The following CASP2 variants were observed in gnomAD, a reference collection of about 807,000 sequenced individuals.
The protein encoded by CASP2 is caspase 2, also known as caspase-2.
CASP2 carries 38 observed loss-of-function variants against 54.4 expected under a neutral mutation model. The observed-to-expected ratio is 0.70, with a 90% CI of 0.54 to 0.92. The LOEUF (loss-of-function observed/expected upper bound fraction) is 0.92. CASP2 is among the 40% of genes least tolerant of loss of function. CASP2 has a pLI of 0.00. For synonymous variants in CASP2, 215 were observed against 216.3 expected, an observed-to-expected ratio of 0.99 and a Z score of 0.05; for missense variants, 512 against 579.6, an observed-to-expected ratio of 0.88 and a Z score of 1.20.
intron 1 of CASP2, 112 bp downstream of exon 1, chr7:143,288,641 T>A (rs1211649536): frequency 3.9e-5 from 40 of 1,014,918 alleles, no homozygotes; most frequent in Non-Finnish European, 5.8e-5. Flanking sequence ...AAAGCAGCCG[T>A]GTCCGCGCTT....
intron 1 of CASP2, among the ~76,000 whole-genome samples, chr7:143,289,105 C>G (rs949592654): frequency 6.6e-6 from 1 of 152,130 alleles, no homozygotes; most frequent in Non-Finnish European, 1.5e-5. Context: ...CCGGTCATTC[C>G]ATTTCATGGC....
chr7:143,300,741 T>C (rs1036329366), intron 8 of CASP2: 2 of 1,190,048 alleles, frequency 1.7e-6, no homozygotes, highest in African/African-American at 3.2e-5. Context: ...TACCTACACT[T>C]CCATGCTTGC....
Position 143,300,296 on chromosome 7 carries a change from TGAG to T in CASP2, c.967+3_967+5del, listed in dbSNP as rs1347131178. The T allele has an allele frequency of 6.2e-7, 1 of 1,613,694 alleles. No individual in the cohort carries two copies. The highest frequency in any genetic ancestry group is 1.1e-5 in the South Asian group (1 of 91,088). ...TCTTCATCCAGGCCTGCCGTGGAGG[TGAG>T]TGCCCTAGCAGACCAGCACCTGGGT... On this transcript the variant is annotated splice_donor_5th_base_variant and intron_variant, in intron 8 of 10. Coordinates refer to ENST00000310447, the MANE Select transcript of CASP2 (RefSeq NM_032982.4).
At chr7:143,298,723 A>C (rs545684293) in intron 6 of CASP2, 67 of 152,250 alleles carry the variant, frequency 4.4e-4, no homozygotes, top group African/African-American at 1.6e-3. Flanking sequence ...GAAATGGAGC[A>C]GGTGAAAACT....
chr7:143,304,656 A>C lies in CASP2; in HGVS notation c.1118-18A>C. The C allele has an allele frequency of 6.3e-7, 1 of 1,592,876 alleles. No individual in the cohort carries two copies. On this transcript the variant is annotated intron_variant, in intron 9 of 10. Coordinates refer to ENST00000310447, the MANE Select transcript of CASP2 (RefSeq NM_032982.4). ...TGTGATGGCATTCACACTGTGATTA[A>C]TGCCCTTTTGGTTGCAGGGACTGCC... is the stretch of plus-strand genomic sequence containing the variant.
At chr7:143,295,905 T>G (rs990998244) in intron 6 of CASP2, among the ~76,000 whole-genome samples, 5 of 152,212 alleles carry the variant, frequency 3.3e-5, no homozygotes, top group Non-Finnish European at 7.3e-5. Flanking sequence ...TCCTGAGAAG[T>G]CTGCTGGGCA....
At chr7:143,297,357 CT>C (rs1013846084) in intron 6 of CASP2, among the ~76,000 whole-genome samples, 8 of 148,566 alleles carry the variant, frequency 5.4e-5, no homozygotes, top group Non-Finnish European at 1.1e-4. Context: ...TGCGTGTATT[CT>C]TTTTTTGGAC....
intron 6 of CASP2, among the ~76,000 whole-genome samples, chr7:143,295,022 G>A (rs570061217): frequency 5.0e-4 from 76 of 151,228 alleles, no homozygotes; most frequent in Non-Finnish European, 1.9e-4. Flanking sequence ...CACAGTTGGT[G>A]TCTCACTTTT....
At chr7:143,302,683 G>T (rs1801949279) in intron 8 of CASP2, 4 of 152,104 alleles carry the variant, frequency 2.6e-5, no homozygotes. Flanking sequence ...CCTCGACATT[G>T]CATGGATCAG....
chr7:143,288,364 G>T lies in CASP2; in HGVS notation c.-92G>T. On this transcript the variant is annotated 5_prime_UTR_variant, in exon 1 of 11. Transcript: ENST00000310447. Reference sequence around the variant, plus strand: ...GCAGGCGCAGGCGCAGTGTGCGTCCGCGTCTGAGGGGAGGGATGTGGGGGA... The same window carrying T: ...GCAGGCGCAGGCGCAGTGTGCGTCCTCGTCTGAGGGGAGGGATGTGGGGGA... The T allele has an allele frequency of 7.7e-7, 1 of 1,303,234 alleles. No homozygotes were observed. The allele number at this position is 1,303,234 out of a possible 1,614,324, so 80.7% of individuals were successfully genotyped here.
chr7:143,293,514 T>G (rs1052430976), intron 4 of CASP2, among the ~76,000 whole-genome samples: 4 of 150,518 alleles, frequency 2.7e-5, no homozygotes. Flanking sequence ...GGTTTTTTGT[T>G]TTTTTTTTTT....
intron 6 of CASP2, among the ~76,000 whole-genome samples, chr7:143,296,732 C>T (rs76421595): frequency 7.6e-5 from 10 of 131,304 alleles, no homozygotes; most frequent in Admixed American, 6.7e-4. Flanking sequence ...AGAAACAGAA[C>T]CAAAAAAAAA....
chr7:143,294,145 C>A, intron 4 of CASP2, 85 bp from the exon 5 acceptor site: 1 of 820,334 alleles, frequency 1.2e-6, no homozygotes, highest in Non-Finnish European at 2.2e-6. Flanking sequence ...AACCCAGTTG[C>A]AAGAGATGTC....
intron 8 of CASP2, chr7:143,303,545 G>A (rs767129339): frequency 1.4e-4 from 64 of 457,526 alleles, no homozygotes; most frequent in Non-Finnish European, 2.2e-4. Context: ...CCGCATAGAT[G>A]TGCATGTGCT....
rs562092838 is a variant in CASP2, at chr7:143,288,453, G to T, written c.-3G>T. 2.4e-5 allele frequency: 39 copies of T among 1,612,850 alleles called. 2 individuals carry two copies. The African/African-American group carries it at 2.9e-4, about 12-fold the overall frequency. On this transcript the variant is annotated 5_prime_UTR_variant, in exon 1 of 11. Transcript: ENST00000310447. ...GCAGCGGAGAGCCCGGGAAAAGCGGGAAATGGCGGCGCCGAGCGCGGGGTC... is the reference window on the plus strand; with the variant it reads ...GCAGCGGAGAGCCCGGGAAAAGCGGTAAATGGCGGCGCCGAGCGCGGGGTC...
At position 143,304,659 on chromosome 7, in the gene CASP2, C is replaced by T; in HGVS notation, c.1118-15C>T. ...GATGGCATTCACACTGTGATTAATG[C>T]CCTTTTGGTTGCAGGGACTGCCGCC... On this transcript the variant is annotated splice_polypyrimidine_tract_variant and intron_variant, in intron 9 of 10. Coordinates refer to ENST00000310447, the MANE Select transcript of CASP2 (RefSeq NM_032982.4). The T allele has an allele frequency of 6.3e-7, 1 of 1,596,844 alleles. No homozygotes were observed. The highest frequency in any genetic ancestry group is 8.6e-7 in the Non-Finnish European group (1 of 1,164,494).
intron 8 of CASP2, chr7:143,302,489 G>A (rs537502381): frequency 6.6e-6 from 1 of 152,126 alleles, no homozygotes; most frequent in Non-Finnish European, 1.5e-5. Flanking sequence ...CCACCCCCCT[G>A]CCCCAGTCAG....
At position 143,291,616 on chromosome 7, in the gene CASP2, CTGT is replaced by C; in HGVS notation, c.157_159del (p.Leu53del). 6.2e-7 allele frequency: 1 copy of C among 1,613,838 alleles called. No homozygotes were observed. The highest frequency in any genetic ancestry group is 8.5e-7 in the Non-Finnish European group (1 of 1,179,850). On this transcript the variant is annotated inframe_deletion, in exon 2 of 11. Transcript: ENST00000310447. Reference sequence around the variant, plus strand: ...GAACCGAGTGGTGCTAGCCAAACAGCTGTTGTTGAGCGAATTGTTAGAACATCT... The same window carrying C: ...GAACCGAGTGGTGCTAGCCAAACAGCTGTTGAGCGAATTGTTAGAACATCT...
In CASP2 at chr7:143,307,531, GGTGC is replaced by G. The variant is rs1188792374; in HGVS notation, c.*2461_*2464del. On this transcript the variant is annotated 3_prime_UTR_variant, in exon 11 of 11. Coordinates refer to ENST00000310447, the MANE Select transcript of CASP2 (RefSeq NM_032982.4). ...AAAATGCTAGGCCTGTAGTAGTCAA[GGTGC>G]TCAATAAATATTTGTTTGGGTGGTT... 6.6e-6 allele frequency: 1 copy of G among 152,154 alleles called. No homozygotes were observed. The highest frequency in any genetic ancestry group is 1.5e-5 in the Non-Finnish European group (1 of 68,036). The allele number at this position is 152,154 out of a possible 1,614,324, so 9.4% of individuals were successfully genotyped here.
Sources: gnomAD v4.1 joint callset for allele counts (sites outside exome capture counted in the v4.1 genomes callset) on GRCh38, gnomAD v4.1.1 for gene constraint, MANE v1.5 for transcripts, NCBI Gene and HGNC (gene_info 2026-07-23, HGNC 2026-07-21) for gene names.